The following COL21A1 variants were observed in gnomAD, a reference collection of about 807,000 sequenced individuals.
The protein encoded by COL21A1 is collagen type XXI alpha 1 chain.
In COL21A1, 149 loss-of-function variants were observed where a neutral mutation model predicts 137.9. The ratio of observed to expected loss-of-function variants is 1.08; its 90% CI spans 0.95 to 1.24. The LOEUF (loss-of-function observed/expected upper bound fraction) is 1.24, where lower values mean the gene tolerates loss of function less well. Among genes scored for constraint, COL21A1 ranks in the 50% most tolerant of loss-of-function variants. The pLI is 0.00. For synonymous variants in COL21A1, 456 were observed against 391.5 expected (o/e 1.16, Z -1.95); for missense variants, 1,167 against 1,158.4 (o/e 1.01, Z -0.11).
At chr6:56,088,372 AT>A (rs890148817) in intron 17 of COL21A1, among the ~76,000 whole-genome samples, 2 of 152,160 alleles carry the variant, frequency 1.3e-5, no homozygotes, top group Admixed American at 6.5e-5. Flanking sequence ...TCAAAAAAAA[AT>A]AATTTTGCTC....
chr6:56,167,482 G>A (rs1367990815), intron 6 of COL21A1, among the ~76,000 whole-genome samples: 1 of 152,142 alleles, frequency 6.6e-6, no homozygotes, highest in Admixed American at 6.5e-5. Context: ...AATTCATAGA[G>A]ACCACATGTG....
At chr6:56,351,514 A>G (rs565218160) in intron 1 of COL21A1, among the ~76,000 whole-genome samples, 1 of 152,292 alleles carries the variant, frequency 6.6e-6, no homozygotes, top group East Asian at 1.9e-4. Flanking sequence ...TATTGCTGAA[A>G]TCTCAGAGAG....
chr6:56,093,793 T>C (rs1769075394), intron 17 of COL21A1, among the ~76,000 whole-genome samples: 1 of 152,158 alleles, frequency 6.6e-6, no homozygotes, highest in Non-Finnish European at 1.5e-5. Flanking sequence ...GATATAACAT[T>C]ATCAAAACCT....
chr6:56,354,444 G>C (rs1278428961), intron 1 of COL21A1, among the ~76,000 whole-genome samples: 1 of 152,008 alleles, frequency 6.6e-6, no homozygotes, highest in Non-Finnish European at 1.5e-5. Context: ...ATGACAAAAA[G>C]AGTAGCCATT....
At chr6:56,163,458 C>T (rs1776336237) in intron 9 of COL21A1, among the ~76,000 whole-genome samples, 1 of 152,174 alleles carries the variant, frequency 6.6e-6, no homozygotes, top group South Asian at 2.1e-4. Flanking sequence ...CGCCTGTAAT[C>T]CCAGCACTTT....
At chr6:56,300,188 T>C (rs939054220) in intron 1 of COL21A1, among the ~76,000 whole-genome samples, 3 of 152,038 alleles carry the variant, frequency 2.0e-5, no homozygotes, top group African/African-American at 7.2e-5. Context: ...TCTAAATGTG[T>C]GTATAATGAT....
chr6:56,163,706 C>CA (rs11317686), intron 9 of COL21A1, among the ~76,000 whole-genome samples: 31 of 136,488 alleles, frequency 2.3e-4, no homozygotes, highest in Middle Eastern at 4.0e-3. Flanking sequence ...GGCTCCGTCT[C>CA]AAAAAAAAAA....
At chr6:56,115,706 T>C (rs1771858480) in intron 16 of COL21A1, among the ~76,000 whole-genome samples, 1 of 151,988 alleles carries the variant, frequency 6.6e-6, no homozygotes, top group African/African-American at 2.4e-5. Flanking sequence ...TCTAGAGAAA[T>C]AGAAATATGT....
At chr6:56,078,913 A>T (rs889672316) in intron 17 of COL21A1, among the ~76,000 whole-genome samples, 9 of 151,728 alleles carry the variant, frequency 5.9e-5, no homozygotes, top group African/African-American at 2.2e-4. Context: ...TTGAAGTAAC[A>T]ATATAAAACA....
chr6:56,174,615 A>G (rs920543746), intron 3 of COL21A1, among the ~76,000 whole-genome samples: 4 of 152,092 alleles, frequency 2.6e-5, no homozygotes, highest in Admixed American at 2.0e-4. Context: ...ATGAATAAAT[A>G]GAATATATGA....
At chr6:56,131,657 T>G (rs1773563816) in intron 12 of COL21A1, among the ~76,000 whole-genome samples, 1 of 152,074 alleles carries the variant, frequency 6.6e-6, no homozygotes, top group Non-Finnish European at 1.5e-5. Context: ...GGATGCCTGA[T>G]TAATTTAGGT....
Position 56,281,948 on chromosome 6 carries a change from A to G in COL21A1, c.-38-99292T>C, listed in dbSNP as rs1035362215. ...AGGAGAAACAGTGAATTCCAGAAAA[A>G]CTTAGGAAATTTTTGTCAATACCAA... On this transcript the variant is annotated intron_variant, in intron 1 of 28. Transcript: ENST00000370819. Among the ~76,000 whole-genome samples the G allele has an allele frequency of 1.1e-4, 17 of 152,292 alleles. No homozygotes were observed. The South Asian group carries it at 3.3e-3, about 30-fold the overall frequency.
chr6:56,370,287 G>A (rs1424046308), intron 1 of COL21A1, among the ~76,000 whole-genome samples: 1 of 152,082 alleles, frequency 6.6e-6, no homozygotes, highest in Admixed American at 6.6e-5. Flanking sequence ...CTCTGTTCCC[G>A]GCCTTCCTCA....
chr6:56,180,813 A>G (rs1777834876), intron 2 of COL21A1, among the ~76,000 whole-genome samples: 1 of 152,234 alleles, frequency 6.6e-6, no homozygotes, highest in Non-Finnish European at 1.5e-5. Context: ...AACAGAAGTT[A>G]GAGAAGAAGA....
intron 17 of COL21A1, among the ~76,000 whole-genome samples, chr6:56,081,600 A>G (rs1204952140): frequency 6.6e-6 from 1 of 151,916 alleles, no homozygotes; most frequent in African/African-American, 2.4e-5. Flanking sequence ...ACAACAGATT[A>G]TTCTGTGGTA....
Position 56,126,083 on chromosome 6 carries a change from A to C in COL21A1, c.1596+13T>G. The C allele has an allele frequency of 6.6e-7, 1 of 1,520,084 alleles. No individual in the cohort carries two copies. The highest frequency in any genetic ancestry group is 1.2e-5 in the South Asian group (1 of 80,018). 94.2% of individuals were successfully genotyped at this position (1,520,084 alleles called of 1,614,324 possible). A position where few individuals can be genotyped will look rare whatever the true frequency, so the allele number is the denominator to read the frequency against. On this transcript the variant is annotated intron_variant, in intron 13 of 29. Coordinates refer to ENST00000244728, the MANE Select transcript of COL21A1 (RefSeq NM_030820.4). ...TGGCTTTGCTATATTTAAAAGAAAC[A>C]GATTTCTTCAACCTTTGATCCTGGC... is the stretch of plus-strand genomic sequence containing the variant.
At chr6:56,296,520 T>C (rs1427974841) in intron 1 of COL21A1, among the ~76,000 whole-genome samples, 2 of 152,006 alleles carry the variant, frequency 1.3e-5, no homozygotes, top group African/African-American at 4.8e-5. Context: ...TCATTTTCTC[T>C]TGATACACAG....
At chr6:56,352,743 C>A (rs1765739394) in intron 1 of COL21A1, among the ~76,000 whole-genome samples, 1 of 151,972 alleles carries the variant, frequency 6.6e-6, no homozygotes, top group African/African-American at 2.4e-5. Context: ...AAGAGTCTTA[C>A]AGAAAAGATC....
At chr6:56,132,925 C>A (rs966727473) in intron 12 of COL21A1, among the ~76,000 whole-genome samples, 5 of 152,208 alleles carry the variant, frequency 3.3e-5, no homozygotes, top group Non-Finnish European at 7.3e-5. Flanking sequence ...GATTGTGAGG[C>A]CTCCCCAGCC....
Sources: gnomAD v4.1 joint callset for allele counts (sites outside exome capture counted in the v4.1 genomes callset) on GRCh38, gnomAD v4.1.1 for gene constraint, MANE v1.5 for transcripts, NCBI Gene and HGNC (gene_info 2026-07-23, HGNC 2026-07-21) for gene names.